The following NOTCH4 variants were observed in gnomAD, a reference collection of about 807,000 sequenced individuals.
NOTCH4 encodes notch receptor 4.
A neutral mutation model predicts 189.0 loss-of-function variants in NOTCH4; 138 were observed. That is an observed-to-expected ratio of 0.73 (90% CI 0.64 to 0.84). NOTCH4 has a LOEUF of 0.84. NOTCH4 is among the 40% of genes least tolerant of loss of function. The probability of loss-of-function intolerance (pLI) is 0.00; values close to 1 mark genes in which losing one functional copy is unlikely to be tolerated. For missense variants in NOTCH4, 2,286 were observed against 2,605.4 expected, an observed-to-expected ratio of 0.88 and a Z score of 2.67; for synonymous variants, 942 against 1,032.8, an observed-to-expected ratio of 0.91 and a Z score of 1.69.
chr6:32,212,417 G>A lies in NOTCH4; in HGVS notation c.2680+57C>T. 2.6e-6 allele frequency: 4 copies of A among 1,521,390 alleles called. No individual in the cohort carries two copies. The highest frequency in any genetic ancestry group is 1.3e-5 in the South Asian group (1 of 78,248). 94.2% of individuals were successfully genotyped at this position (1,521,390 alleles called of 1,614,324 possible). ...TGTGGAAGCCCACAGGAACGGGGCA[G>A]GTGAGAACACCCATATTTTCTTCAT... On this transcript the variant is annotated intron_variant, in intron 17 of 29. Coordinates refer to ENST00000375023, the MANE Select transcript of NOTCH4 (RefSeq NM_004557.4). The surrounding 1 kb of genome is among the most constrained non-coding windows in gnomAD (Gnocchi z 4.4).
intron 18 of NOTCH4, among the ~76,000 whole-genome samples, chr6:32,204,972 T>C (rs1788583392): frequency 6.6e-6 from 1 of 152,132 alleles, no homozygotes; most frequent in African/African-American, 2.4e-5. Context: ...GTCAAATAGC[T>C]ATAGGTGGCA....
In NOTCH4 at chr6:32,221,525, A is replaced by G. The variant is rs1266363566; in HGVS notation, c.452-200T>C. 1.3e-5 allele frequency among the ~76,000 whole-genome samples: 2 copies of G among 152,114 alleles called. No individual in the cohort carries two copies. Among genetic ancestry groups the G allele is most frequent in the East Asian group, 1.9e-4 (1 of 5,184 alleles). On this transcript the variant is annotated intron_variant, in intron 3 of 29. Coordinates refer to ENST00000375023, the MANE Select transcript of NOTCH4 (RefSeq NM_004557.4). The surrounding 1 kb of genome is among the most constrained non-coding windows in gnomAD (Gnocchi z 4.3). ...TTGGGAGGGTTTATCTGGAGTGACCATATCTTCTAAAGTGATGATGAGAGT... is the reference window on the plus strand; with the variant it reads ...TTGGGAGGGTTTATCTGGAGTGACCGTATCTTCTAAAGTGATGATGAGAGT...
In NOTCH4 at chr6:32,206,623, C is replaced by T. The variant is rs771481975; in HGVS notation, c.2866-2234G>A. Among the ~76,000 whole-genome samples the T allele has an allele frequency of 1.4e-4, 21 of 152,094 alleles. 1 individual carries two copies. Among genetic ancestry groups the T allele is most frequent in the Middle Eastern group, 6.8e-3 (2 of 294 alleles). On this transcript the variant is annotated intron_variant, in intron 18 of 29. Coordinates refer to ENST00000375023, the MANE Select transcript of NOTCH4 (RefSeq NM_004557.4). ...AATACTGCTAAAATGTCTGTGCTTA[C>T]CAAAGTGATCTACAGAGTCATGCAA...
Position 32,212,743 on chromosome 6 carries a change from T to A in NOTCH4, c.2526+81A>T. 2 of 1,469,102 alleles carry A rather than the reference T, an allele frequency of 1.4e-6. No homozygotes were observed. The highest frequency in any genetic ancestry group is 1.8e-6 in the Non-Finnish European group (2 of 1,094,758). 91.0% of individuals were successfully genotyped at this position (1,469,102 alleles called of 1,614,324 possible). ...CTTACTTCAAAAACCTTCTCCTGAA[T>A]GGCCTGGGACCAGGTGACCCTCCCT... On this transcript the variant is annotated intron_variant, in intron 16 of 29. Transcript: ENST00000375023. The surrounding 1 kb of genome is among the most constrained non-coding windows in gnomAD (Gnocchi z 4.4).
At chr6:32,222,131 C>A (rs1014955929) in intron 3 of NOTCH4, among the ~76,000 whole-genome samples, 4 of 152,090 alleles carry the variant, frequency 2.6e-5, no homozygotes, top group Non-Finnish European at 5.9e-5. Flanking sequence ...TATAATGGCT[C>A]CCTCCACTCA....
chr6:32,213,369 C>A (rs1561936262), intron 14 of NOTCH4, 117 bp from the exon 15 acceptor site: 6 of 663,590 alleles, frequency 9.0e-6, no homozygotes, highest in Non-Finnish European at 1.6e-5. Flanking sequence ...CAGCTCACTG[C>A]CATCCAATTA....
rs1561907838 is a variant in NOTCH4, at chr6:32,195,776, G to A, written c.5673C>T (p.Gly1891=). Residue 1891 remains glycine, a synonymous_variant, in exon 30 of 30, where the codon GGC becomes GGT. Transcript: ENST00000375023. The surrounding 1 kb of genome is among the most constrained non-coding windows in gnomAD (Gnocchi z 5.4). Reference sequence around the variant, plus strand: ...GGCTCCGGCAATGAGAATAGGCCCCGCCCCCCCGCGCAGCCAAGTCTACGG... The same window carrying A: ...GGCTCCGGCAATGAGAATAGGCCCCACCCCCCCGCGCAGCCAAGTCTACGG... ...TWSVDLAARG[G]GAYSHCRSLS... 3 of 1,607,430 alleles carry A rather than the reference G, an allele frequency of 1.9e-6. No homozygotes were observed. The highest frequency in any genetic ancestry group is 1.3e-5 in the African/African-American group (1 of 74,980).
At position 32,200,514 on chromosome 6, in the gene NOTCH4, T is replaced by G. The variant is rs1043826126; in HGVS notation, c.4315+317A>C. Among the ~76,000 whole-genome samples, 2 of 152,246 alleles carry G rather than the reference T, an allele frequency of 1.3e-5. No individual in the cohort carries two copies. The highest frequency in any genetic ancestry group is 3.8e-4 in the East Asian group (2 of 5,204). The stretch of plus-strand genomic sequence containing the variant: ...ATGAGCCACTGCGCCCAGCCTATTA[T>G]TCTTTCATGTACTATGAATTGTCTG... On this transcript the variant is annotated intron_variant, in intron 23 of 29. Transcript: ENST00000375023. The surrounding 1 kb of genome is among the most constrained non-coding windows in gnomAD (Gnocchi z 5.0).
chr6:32,220,934 T>C (rs1373920891), intron 4 of NOTCH4, 44 bp downstream of exon 4: 1 of 1,597,142 alleles, frequency 6.3e-7, no homozygotes, highest in African/African-American at 1.3e-5. Context: ...CATCCTGCCC[T>C]GCCCAGAGAG....
At chr6:32,218,373 G>A in intron 8 of NOTCH4, among the ~76,000 whole-genome samples, 1 of 152,174 alleles carries the variant, frequency 6.6e-6, no homozygotes, top group East Asian at 1.9e-4. Flanking sequence ...GGCCATTCCT[G>A]TGTATACAGA....
intron 28 of NOTCH4, among the ~76,000 whole-genome samples, 177 bp from the exon 29 acceptor site, chr6:32,196,598 C>A (rs1161448349): frequency 6.6e-6 from 1 of 152,188 alleles, no homozygotes; most frequent in Non-Finnish European, 1.5e-5. Flanking sequence ...GTGACGTCAC[C>A]AGTGCGCGGG....
At position 32,195,929 on chromosome 6, in the gene NOTCH4, G is replaced by C; in HGVS notation, c.5520C>G (p.Phe1840Leu). The change falls in exon 30 of 30, where the codon TTC becomes TTG. Residue 1840 changes from phenylalanine (F) to leucine (L), a missense_variant. Transcript: ENST00000375023. The surrounding 1 kb of genome is among the most constrained non-coding windows in gnomAD (Gnocchi z 5.4). ...KATPGREAGP[F>L]PRARTVSVSV... is the part of the protein sequence containing the mutation. ...TTACTGACACCGTCCGTGCGCGCGGGAAGGGCCCAGCCTCGCGGCCCGGCG... is the reference window on the plus strand; with the variant it reads ...TTACTGACACCGTCCGTGCGCGCGGCAAGGGCCCAGCCTCGCGGCCCGGCG... 1 of 1,587,858 alleles carries C rather than the reference G, an allele frequency of 6.3e-7. No homozygotes were observed. Among genetic ancestry groups the C allele is most frequent in the Admixed American group, 1.7e-5 (1 of 58,392 alleles).
Position 32,198,056 on chromosome 6 carries a change from T to C in NOTCH4, c.4756+365A>G, listed in dbSNP as rs1014301291. Among the ~76,000 whole-genome samples, 2 of 151,636 alleles carry C rather than the reference T, an allele frequency of 1.3e-5. No homozygotes were observed. The highest frequency in any genetic ancestry group is 4.8e-5 in the African/African-American group (2 of 41,260). On this transcript the variant is annotated intron_variant, in intron 26 of 29. Coordinates refer to ENST00000375023, the MANE Select transcript of NOTCH4 (RefSeq NM_004557.4). The surrounding 1 kb of genome is among the most constrained non-coding windows in gnomAD (Gnocchi z 5.5). ...CAGGATGGTCTCGATCTCCTGACCT[T>C]GTGATCCACCCGCCTTGGCCTCCCA...
chr6:32,213,175 G>A lies in NOTCH4; in HGVS notation c.2398C>T (p.Pro800Ser). The change falls in exon 15 of 30, where the codon CCG becomes TCG. Residue 800 changes from proline (P) to serine (S), a missense_variant. By Grantham distance (74) the Pro-to-Ser change is moderately conservative (BLOSUM62 -1). Coordinates refer to ENST00000375023, the MANE Select transcript of NOTCH4 (RefSeq NM_004557.4). Reference protein sequence around the residue: ...SCLCAMGFQGPRCEGKLRPSC... With the variant: ...SCLCAMGFQGSRCEGKLRPSC... ...GGGCGGAGCTTTCCCTCACAGCGCGGGCCCTGGAAGCCCATGGCACAGAGG... is the reference window on the plus strand; with the variant it reads ...GGGCGGAGCTTTCCCTCACAGCGCGAGCCCTGGAAGCCCATGGCACAGAGG... 1.9e-6 allele frequency: 3 copies of A among 1,613,944 alleles called. No homozygotes were observed. Among genetic ancestry groups the A allele is most frequent in the Non-Finnish European group, 2.5e-6 (3 of 1,179,894 alleles).
chr6:32,207,315 AT>A (rs1788742734), intron 18 of NOTCH4, among the ~76,000 whole-genome samples: 1 of 151,884 alleles, frequency 6.6e-6, no homozygotes, highest in South Asian at 2.1e-4. Context: ...AAAACTGGAT[AT>A]CCATATGCAG....
chr6:32,211,628 A>AATAT (rs1461869471), intron 17 of NOTCH4, among the ~76,000 whole-genome samples: 3 of 151,436 alleles, frequency 2.0e-5, no homozygotes, highest in Non-Finnish European at 4.4e-5. Context: ...TAAATAAATA[A>AATAT]ATAAATAAAT....
At position 32,198,983 on chromosome 6, in the gene NOTCH4, G is replaced by A; in HGVS notation, c.4478C>T (p.Thr1493Ile). 1.9e-6 allele frequency: 3 copies of A among 1,610,542 alleles called. No individual in the cohort carries two copies. Among genetic ancestry groups the A allele is most frequent in the Non-Finnish European group, 2.5e-6 (3 of 1,178,542 alleles). The change falls in exon 24 of 30, where the codon ACT (threonine) becomes ATT (isoleucine). Residue 1493 changes from threonine (T) to isoleucine (I), a missense_variant. Transcript: ENST00000375023. This position sits in a 1 kb window ranked among gnomAD's most constrained non-coding sequence, Gnocchi z 5.5. ...LPPGFTRRPR[T>I]QSAPHRRRPP... is the part of the protein sequence containing the mutation. ...CCGGCGTCGGTGGGGAGCTGACTGA[G>A]TCCGAGGCCGTCGAGTGAAACCAGG...
At chr6:32,219,077 C>T (rs544451082) in intron 8 of NOTCH4, among the ~76,000 whole-genome samples, 3 of 152,252 alleles carry the variant, frequency 2.0e-5, no homozygotes, top group South Asian at 2.1e-4. Flanking sequence ...CTCCCTGGGG[C>T]GACTTTTCCC....
rs1405097431 is a variant in NOTCH4, at chr6:32,200,038, T to C, written c.4315+793A>G. On this transcript the variant is annotated intron_variant, in intron 23 of 29. Coordinates refer to ENST00000375023, the MANE Select transcript of NOTCH4 (RefSeq NM_004557.4). The surrounding 1 kb of genome is among the most constrained non-coding windows in gnomAD (Gnocchi z 5.0). ...ATTAGGGATGCTGAACCAGTAAGTA[T>C]AATGCAAATATTCCAAAATAAATCC... 6.6e-6 allele frequency among the ~76,000 whole-genome samples: 1 copy of C among 152,148 alleles called. No homozygotes were observed. The highest frequency in any genetic ancestry group is 1.9e-4 in the East Asian group (1 of 5,192).
Sources: allele counts gnomAD v4.1 joint callset (sites outside exome capture counted in the v4.1 genomes callset), GRCh38; gene constraint gnomAD v4.1.1; non-coding constraint Gnocchi (gnomAD v3.1); transcripts MANE v1.5; gene names NCBI Gene and HGNC (gene_info 2026-07-23, HGNC 2026-07-21).